FYB1: variants seen among roughly 807,000 people sequenced by gnomAD.
FYB1 encodes FYN-binding protein 1.
In FYB1, 41 loss-of-function variants were observed where a neutral mutation model predicts 94.1. The observed-to-expected ratio is 0.44, with a 90% CI of 0.34 to 0.57. FYB1 has a LOEUF of 0.57. Among genes scored for constraint, FYB1 ranks in the 20% least tolerant of loss-of-function variants. FYB1 has a pLI of 0.02. For synonymous variants in FYB1, 367 were observed against 353.2 expected, an observed-to-expected ratio of 1.04 and a Z score of -0.44; for missense variants, 1,050 against 976.8, an observed-to-expected ratio of 1.07 and a Z score of -1.00.
chr5:39,168,258 T>C (rs1466893856), intron 2 of FYB1, among the ~76,000 whole-genome samples: 1 of 152,236 alleles, frequency 6.6e-6, no homozygotes, highest in East Asian at 1.9e-4. Flanking sequence ...ATGTCATGTA[T>C]TATAACTCAG....
chr5:39,203,349 A>T (rs1279148759), intron 1 of FYB1, among the ~76,000 whole-genome samples: 1 of 152,236 alleles, frequency 6.6e-6, no homozygotes, highest in Non-Finnish European at 1.5e-5. Context: ...AAGTGACTAA[A>T]AAAAGATTTC....
At chr5:39,107,549 A>G (rs567689462) in intron 18 of FYB1, 84 bp from the exon 19 acceptor site, 4 of 876,194 alleles carry the variant, frequency 4.6e-6, no homozygotes, top group Non-Finnish European at 7.0e-6. Flanking sequence ...TGGGTGATTC[A>G]TACTCTCCTG....
chr5:39,142,293 T>C (rs971824050), intron 3 of FYB1, among the ~76,000 whole-genome samples: 1 of 152,126 alleles, frequency 6.6e-6, no homozygotes, highest in Non-Finnish European at 1.5e-5. Context: ...TCCTCTCCAC[T>C]CCCCTATAAT....
Position 39,201,897 on chromosome 5 carries a change from G to A in FYB1, c.1064C>T (p.Pro355Leu). ...KPLPPLFTLGPPPPKPNRPPN... is the reference protein window; with the variant it reads ...KPLPPLFTLGLPPPKPNRPPN... ...TGGTCTGTTGGGTTTTGGTGGAGGT[G>A]GACCCAAGGTAAACAAGGGAGGCAA... The change falls in exon 2 of 19, where the codon CCA (proline) becomes CTA (leucine). Residue 355 changes from proline (P) to leucine (L), a missense_variant. Coordinates refer to ENST00000512982, the MANE Select transcript of FYB1 (RefSeq NM_001465.6). 6.2e-7 allele frequency: 1 copy of A among 1,614,008 alleles called. No homozygotes were observed. Among genetic ancestry groups the A allele is most frequent in the East Asian group, 2.2e-5 (1 of 44,872 alleles).
intron 2 of FYB1, among the ~76,000 whole-genome samples, chr5:39,182,760 C>G (rs1746378139): frequency 6.6e-6 from 1 of 152,172 alleles, no homozygotes; most frequent in African/African-American, 2.4e-5. Context: ...TTAGTCTCTC[C>G]TTGTGCTACT....
At chr5:39,246,603 T>C (rs559985279) in intron 1 of FYB1, among the ~76,000 whole-genome samples, 2 of 152,154 alleles carry the variant, frequency 1.3e-5, no homozygotes, top group South Asian at 4.1e-4. Flanking sequence ...CTCTTATGTC[T>C]CACAGGTAAT....
At chr5:39,130,042 G>T (rs544916703) in intron 10 of FYB1, among the ~76,000 whole-genome samples, 1 of 151,550 alleles carries the variant, frequency 6.6e-6, no homozygotes, top group East Asian at 2.0e-4. Flanking sequence ...AGAAAATTTT[G>T]TCTATACGCA....
At chr5:39,118,389 G>T (rs1269136456) in intron 16 of FYB1, among the ~76,000 whole-genome samples, 2 of 152,178 alleles carry the variant, frequency 1.3e-5, no homozygotes, top group Non-Finnish European at 2.9e-5. Flanking sequence ...TGTATAATTT[G>T]ATATTCTCCA....
At chr5:39,232,481 T>C (rs1186021476) in intron 1 of FYB1, among the ~76,000 whole-genome samples, 2 of 152,102 alleles carry the variant, frequency 1.3e-5, no homozygotes, top group Non-Finnish European at 2.9e-5. Context: ...TAAATCCTCA[T>C]GTAAAGCCAT....
rs969955410 is a variant in FYB1, at chr5:39,163,380, A to T, written c.1136-9776T>A. On this transcript the variant is annotated intron_variant, in intron 2 of 18. Transcript: ENST00000512982. ...GTAATACTGAAACATCAATGTTTAC[A>T]TAGATAATCAAAGCTGAAATTAGAA... is the stretch of plus-strand genomic sequence containing the variant. 6.6e-5 allele frequency among the ~76,000 whole-genome samples: 10 copies of T among 152,354 alleles called. No individual in the cohort carries two copies. The East Asian group carries it at 1.9e-3, about 29-fold the overall frequency.
intron 1 of FYB1, among the ~76,000 whole-genome samples, chr5:39,233,224 CGGTTT>C (rs1343333870): frequency 6.6e-6 from 1 of 151,898 alleles, no homozygotes; most frequent in Non-Finnish European, 1.5e-5. Flanking sequence ...GGCAAATAAA[CGGTTT>C]GGTTTACAAG....
At chr5:39,138,833 C>A (rs1239365789) in intron 5 of FYB1, 142 bp from the exon 6 acceptor site, 3 of 680,216 alleles carry the variant, frequency 4.4e-6, no homozygotes, top group Non-Finnish European at 8.1e-6. Context: ...AGAGGAATAA[C>A]TACTTAAAGG....
At chr5:39,188,767 A>C (rs751479493) in intron 2 of FYB1, among the ~76,000 whole-genome samples, 18 of 152,102 alleles carry the variant, frequency 1.2e-4, no homozygotes, top group Non-Finnish European at 2.4e-4. Context: ...TCCTGACCTC[A>C]GGTAATCCGC....
chr5:39,179,969 C>T (rs1746069579), intron 2 of FYB1, among the ~76,000 whole-genome samples: 2 of 152,140 alleles, frequency 1.3e-5, no homozygotes, highest in Admixed American at 1.3e-4. Flanking sequence ...ATACTTAAGC[C>T]TTCAAGCACC....
At chr5:39,207,702 T>G (rs1239147212) in intron 1 of FYB1, among the ~76,000 whole-genome samples, 1 of 152,210 alleles carries the variant, frequency 6.6e-6, no homozygotes, top group East Asian at 1.9e-4. Context: ...TGTTTTAGTT[T>G]TATTGTTATA....
At chr5:39,205,750 G>A (rs1300670244) in intron 1 of FYB1, among the ~76,000 whole-genome samples, 1 of 152,146 alleles carries the variant, frequency 6.6e-6, no homozygotes, top group Non-Finnish European at 1.5e-5. Context: ...AGGCTCTGGG[G>A]TTATGACTTG....
At chr5:39,110,172 C>CCCTTTTT (rs1294774366) in intron 17 of FYB1, among the ~76,000 whole-genome samples, 184 bp downstream of exon 17, 1 of 152,024 alleles carries the variant, frequency 6.6e-6, no homozygotes, top group East Asian at 1.9e-4. Flanking sequence ...AAAAGAGTAG[C>CCCTTTTT]ACTTCATGGA....
chr5:39,219,381 T>A (rs1326887584), intron 1 of FYB1, 62 bp downstream of exon 1: 1 of 966,842 alleles, frequency 1.0e-6, no homozygotes, highest in Non-Finnish European at 1.2e-6. Flanking sequence ...AAGTGGTGCT[T>A]TTTTCCTGCT....
At chr5:39,129,264 A>G (rs1015521352) in intron 10 of FYB1, among the ~76,000 whole-genome samples, 1 of 152,080 alleles carries the variant, frequency 6.6e-6, no homozygotes, top group African/African-American at 2.4e-5. Flanking sequence ...ATATGGAAAA[A>G]GAATAAAACT....
Sources: allele counts gnomAD v4.1 joint callset (sites outside exome capture counted in the v4.1 genomes callset), GRCh38; gene constraint gnomAD v4.1.1; transcripts MANE v1.5; gene names NCBI Gene and HGNC (gene_info 2026-07-23, HGNC 2026-07-21).